Variants in DTWD2 observed in about 807,000 individuals in gnomAD.
DTWD2 encodes the protein DTW motif tRNA-uridine aminocarboxypropyltransferase 2.
In DTWD2, 39 loss-of-function variants were observed where a neutral mutation model predicts 31.8. The observed-to-expected ratio is 1.22, with a 90% CI of 0.95 to 1.60. The LOEUF (loss-of-function observed/expected upper bound fraction) is 1.60. DTWD2 is among the 40% of genes most tolerant of loss of function. DTWD2 has a pLI of 0.00. For missense variants in DTWD2, 515 were observed against 381.5 expected (o/e 1.35, Z -2.92); for synonymous variants, 180 against 142.8 (o/e 1.26, Z -1.86).
intron 2 of DTWD2, among the ~76,000 whole-genome samples, chr5:118,942,865 C>A (rs1462392813): frequency 6.6e-6 from 1 of 151,920 alleles, no homozygotes; most frequent in East Asian, 1.9e-4. Context: ...TGCAATGTCA[C>A]AATCATAGCT....
intron 4 of DTWD2, among the ~76,000 whole-genome samples, chr5:118,881,960 T>C (rs771323362): frequency 2.6e-5 from 4 of 152,140 alleles, no homozygotes; most frequent in Non-Finnish European, 4.4e-5. Context: ...TCAAAGCCAA[T>C]CTCGCCTTCA....
intron 1 of DTWD2, 23 bp downstream of exon 1, chr5:118,988,271 C>T (rs1349758006): frequency 2.6e-6 from 4 of 1,528,434 alleles, no homozygotes; most frequent in African/African-American, 2.8e-5. Flanking sequence ...GGCTGCAGTC[C>T]CCGCCCCCAG....
At chr5:118,919,244 C>T (rs957377220) in intron 4 of DTWD2, among the ~76,000 whole-genome samples, 1 of 152,184 alleles carries the variant, frequency 6.6e-6, no homozygotes, top group Non-Finnish European at 1.5e-5. Flanking sequence ...GAGAGGAACT[C>T]TGAAATTATC....
chr5:118,966,137 G>T (rs1398222901), intron 1 of DTWD2, among the ~76,000 whole-genome samples: 1 of 152,086 alleles, frequency 6.6e-6, no homozygotes, highest in African/African-American at 2.4e-5. Flanking sequence ...ACCCTGCCCA[G>T]AAAAATACCT....
intron 1 of DTWD2, among the ~76,000 whole-genome samples, chr5:118,980,940 AAAC>A (rs1463451262): frequency 6.6e-6 from 1 of 152,248 alleles, no homozygotes; most frequent in Non-Finnish European, 1.5e-5. Context: ...CAAAATGTAA[AAAC>A]AACCCAAGCA....
At chr5:118,866,910 C>CT (rs1387858992) in intron 4 of DTWD2, among the ~76,000 whole-genome samples, 1 of 150,816 alleles carries the variant, frequency 6.6e-6, no homozygotes, top group Admixed American at 6.6e-5. Flanking sequence ...GAGTGAGACT[C>CT]TGTCTCAAAA....
chr5:118,969,940 A>G (rs1754945001), intron 1 of DTWD2, among the ~76,000 whole-genome samples: 1 of 152,214 alleles, frequency 6.6e-6, no homozygotes, highest in African/African-American at 2.4e-5. Context: ...TCATGATAAA[A>G]CAATACAGGA....
intron 1 of DTWD2, among the ~76,000 whole-genome samples, chr5:118,966,222 T>C (rs1316781999): frequency 6.6e-6 from 1 of 152,206 alleles, no homozygotes; most frequent in Non-Finnish European, 1.5e-5. Context: ...ATTTGGCCGT[T>C]TATCATTCTG....
intron 1 of DTWD2, among the ~76,000 whole-genome samples, chr5:118,960,361 C>G (rs1179153276): frequency 6.6e-6 from 1 of 152,014 alleles, no homozygotes; most frequent in Non-Finnish European, 1.5e-5. Flanking sequence ...AAATGCAAAT[C>G]AAAATCACAA....
intron 5 of DTWD2, among the ~76,000 whole-genome samples, chr5:118,845,109 T>C (rs1580761404): frequency 6.6e-6 from 1 of 151,894 alleles, no homozygotes; most frequent in East Asian, 1.9e-4. Flanking sequence ...ATCATGCCAC[T>C]GCACTCCAGC....
chr5:118,952,539 T>C (rs554836717), intron 1 of DTWD2, among the ~76,000 whole-genome samples: 18 of 152,216 alleles, frequency 1.2e-4, no homozygotes, highest in Admixed American at 8.5e-4. Flanking sequence ...CACAAGGTAA[T>C]GTCATCAGTT....
chr5:118,858,890 T>G (rs1752197153), intron 4 of DTWD2, among the ~76,000 whole-genome samples: 1 of 152,214 alleles, frequency 6.6e-6, no homozygotes, highest in Admixed American at 6.5e-5. Context: ...GCTGTTAGGT[T>G]TCTTAAGCCT....
chr5:118,886,514 A>C (rs1752871977), intron 4 of DTWD2, among the ~76,000 whole-genome samples: 1 of 152,238 alleles, frequency 6.6e-6, no homozygotes, highest in Non-Finnish European at 1.5e-5. Context: ...AATATAAGTT[A>C]ATCTGAGGAA....
At chr5:118,874,146 C>G (rs925774470) in intron 4 of DTWD2, among the ~76,000 whole-genome samples, 1 of 152,126 alleles carries the variant, frequency 6.6e-6, no homozygotes, top group Non-Finnish European at 1.5e-5. Flanking sequence ...CCACCTTATT[C>G]CACAATAAAA....
intron 1 of DTWD2, among the ~76,000 whole-genome samples, chr5:118,954,233 T>G (rs1211502437): frequency 6.6e-6 from 1 of 152,184 alleles, no homozygotes; most frequent in African/African-American, 2.4e-5. Context: ...ATCACACCAC[T>G]GTACTCCAGC....
intron 1 of DTWD2, among the ~76,000 whole-genome samples, chr5:118,958,436 C>A (rs1400250600): frequency 6.6e-6 from 1 of 151,388 alleles, no homozygotes; most frequent in Non-Finnish European, 1.5e-5. Context: ...CCAGCCAGGG[C>A]AACAAAGCAA....
intron 4 of DTWD2, among the ~76,000 whole-genome samples, chr5:118,857,733 G>A (rs11949612): frequency 0.034 from 5,226 of 152,224 alleles, 300 homozygotes; most frequent in African/African-American, 0.12. Flanking sequence ...GTAACTAGCA[G>A]ATACACAGTG....
At chr5:118,926,882 C>T (rs2149578034) in intron 4 of DTWD2, among the ~76,000 whole-genome samples, 1 of 152,228 alleles carries the variant, frequency 6.6e-6, no homozygotes, top group Admixed American at 6.5e-5. Flanking sequence ...ACTCAGAAAT[C>T]TTAATAAAGA....
chr5:118,961,590 T>G (rs181885457), intron 1 of DTWD2, among the ~76,000 whole-genome samples: 1 of 152,216 alleles, frequency 6.6e-6, no homozygotes, highest in Non-Finnish European at 1.5e-5. Flanking sequence ...CCGGTCCTCA[T>G]GTAGCAGAAT....
Sources: allele counts gnomAD v4.1 joint callset (sites outside exome capture counted in the v4.1 genomes callset), GRCh38; gene constraint gnomAD v4.1.1; transcripts MANE v1.5; gene names NCBI Gene and HGNC (gene_info 2026-07-23, HGNC 2026-07-21).